CSMD1: variants seen among roughly 807,000 people sequenced by gnomAD.
The protein encoded by CSMD1 is CUB and Sushi multiple domains 1.
CSMD1 carries 213 observed loss-of-function variants against 417.5 expected under a neutral mutation model. The observed-to-expected ratio is 0.51, with a 90% CI of 0.46 to 0.57. The LOEUF (loss-of-function observed/expected upper bound fraction) is 0.57. Ranked by LOEUF, CSMD1 falls within the 20% of genes least tolerant of loss-of-function variation. The pLI is 0.00. For missense variants in CSMD1, 6,923 were observed against 4,529.7 expected (o/e 1.53, Z -15.17); for synonymous variants, 2,862 against 1,736.8 (o/e 1.65, Z -16.11).
At chr8:4,778,898 T>C (rs1291611232) in intron 1 of CSMD1, among the ~76,000 whole-genome samples, 1 of 152,236 alleles carries the variant, frequency 6.6e-6, no homozygotes, top group Non-Finnish European at 1.5e-5. Context: ...GAATAAATGA[T>C]TAACATTTAC....
chr8:4,403,469 G>T (rs550860996), intron 3 of CSMD1, among the ~76,000 whole-genome samples: 1 of 152,050 alleles, frequency 6.6e-6, no homozygotes. Context: ...GGTCACCAAT[G>T]ACCTACTTAT....
intron 4 of CSMD1, among the ~76,000 whole-genome samples, chr8:4,025,048 C>T (rs7813537): frequency 6.6e-6 from 1 of 152,018 alleles, no homozygotes; most frequent in Non-Finnish European, 1.5e-5. Flanking sequence ...GCCGGGACAA[C>T]ATCAGACTAA....
intron 3 of CSMD1, among the ~76,000 whole-genome samples, chr8:4,189,959 T>G (rs1227673806): frequency 1.3e-5 from 2 of 151,806 alleles, no homozygotes; most frequent in Non-Finnish European, 2.9e-5. Context: ...CATAGTGTAG[T>G]GCTTAAAAGC....
chr8:3,605,122 G>C (rs1801547319), intron 8 of CSMD1, among the ~76,000 whole-genome samples: 1 of 152,126 alleles, frequency 6.6e-6, no homozygotes. Flanking sequence ...AGCCTCCCGA[G>C]TAGCTGGGAC....
chr8:4,942,067 T>C (rs1377053421), intron 1 of CSMD1, among the ~76,000 whole-genome samples: 1 of 152,172 alleles, frequency 6.6e-6, no homozygotes, highest in East Asian at 1.9e-4. Context: ...ACTTTAAGAA[T>C]CTCTCTTCAC....
chr8:3,474,051 C>G (rs1417663636), intron 11 of CSMD1, among the ~76,000 whole-genome samples: 2 of 152,100 alleles, frequency 1.3e-5, no homozygotes, highest in Admixed American at 6.5e-5. Context: ...CCTCCCTCAA[C>G]ACATGGGGAT....
At chr8:4,574,506 C>T (rs149267972) in intron 2 of CSMD1, among the ~76,000 whole-genome samples, 214 of 152,274 alleles carry the variant, frequency 1.4e-3, no homozygotes, top group African/African-American at 5.0e-3. Flanking sequence ...GAGGGAAATG[C>T]AGAAATCACC....
chr8:4,084,585 T>G (rs1290820315), intron 3 of CSMD1, among the ~76,000 whole-genome samples: 1 of 152,166 alleles, frequency 6.6e-6, no homozygotes, highest in Non-Finnish European at 1.5e-5. Context: ...TTAATCAACC[T>G]TGTTGGGAGA....
intron 21 of CSMD1, among the ~76,000 whole-genome samples, chr8:3,348,805 C>G (rs957909168): frequency 6.6e-6 from 1 of 152,122 alleles, no homozygotes; most frequent in South Asian, 2.1e-4. Context: ...AACAAAATTC[C>G]TCTTATCAAG....
At chr8:4,981,990 G>T (rs992234534) in intron 1 of CSMD1, among the ~76,000 whole-genome samples, 5 of 152,042 alleles carry the variant, frequency 3.3e-5, no homozygotes, top group Admixed American at 2.6e-4. Context: ...GTAAACTCTG[G>T]CCAAAAGCCA....
At position 4,539,919 on chromosome 8, in the gene CSMD1, G is replaced by C. The variant is rs73182954; in HGVS notation, c.302+97423C>G. Among the ~76,000 whole-genome samples, 365 of 152,184 alleles carry C rather than the reference G, an allele frequency of 2.4e-3. 2 individuals are homozygous for C. Among genetic ancestry groups the C allele is most frequent in the African/African-American group, 8.2e-3 (341 of 41,522 alleles). ...TGGGTGTGCGGAAATCTCAGGGCTG[G>C]ATTTCTCTTCCCATCTACCCCAGCC... On this transcript the variant is annotated intron_variant, in intron 2 of 69. Transcript: ENST00000635120.
intron 12 of CSMD1, among the ~76,000 whole-genome samples, chr8:3,443,107 G>A (rs1170986853): frequency 1.3e-5 from 2 of 152,142 alleles, no homozygotes; most frequent in Admixed American, 1.3e-4. Context: ...TACTTATGAT[G>A]CCTTTTCTAG....
At chr8:3,150,122 T>C (rs1027903445) in intron 40 of CSMD1, among the ~76,000 whole-genome samples, 1 of 152,148 alleles carries the variant, frequency 6.6e-6, no homozygotes, top group Admixed American at 6.5e-5. Context: ...AGGTCTCCGT[T>C]TCATTTAGCC....
Position 3,205,580 on chromosome 8 carries a change from A to T in CSMD1, c.4908T>A (p.Val1636=), listed in dbSNP as rs772136449. 2.5e-6 allele frequency: 4 copies of T among 1,597,156 alleles called. No individual in the cohort carries two copies. Among genetic ancestry groups the T allele is most frequent in the Non-Finnish European group, 3.4e-6 (4 of 1,170,068 alleles). Residue 1636 remains valine (V), a synonymous_variant, in exon 31 of 70, where the codon GTT becomes GTA. Transcript: ENST00000635120. The part of the protein sequence containing the change: ...GGQYTGSEGV[V]LSPNYPHNYT... Reference sequence around the variant, plus strand: ...AATTATGGGGGTAGTTTGGTGATAAAACTACCCCTTCTGATCCCGTGTACT... The same window carrying T: ...AATTATGGGGGTAGTTTGGTGATAATACTACCCCTTCTGATCCCGTGTACT...
chr8:4,820,499 G>A (rs1043348303), intron 1 of CSMD1, among the ~76,000 whole-genome samples: 11 of 152,118 alleles, frequency 7.2e-5, no homozygotes, highest in Non-Finnish European at 1.3e-4. Context: ...GAGCCATAAG[G>A]AAATGGCCAA....
intron 21 of CSMD1, among the ~76,000 whole-genome samples, chr8:3,353,963 T>C (rs924732): frequency 0.78 from 118,672 of 152,102 alleles, 46,372 homozygotes; most frequent in South Asian, 0.87. Flanking sequence ...TGTCTCAGTC[T>C]GCTTGGCCTG....
At chr8:4,495,367 G>A (rs545327282) in intron 2 of CSMD1, among the ~76,000 whole-genome samples, 198 of 152,164 alleles carry the variant, frequency 1.3e-3, no homozygotes, top group Non-Finnish European at 1.8e-3. Flanking sequence ...CGAAGTCAAG[G>A]GTTCGAGACT....
chr8:4,139,484 G>T (rs1803645897), intron 3 of CSMD1, among the ~76,000 whole-genome samples: 1 of 151,384 alleles, frequency 6.6e-6, no homozygotes, highest in East Asian at 1.9e-4. Context: ...TGAGGAAGGT[G>T]GCGTGGATGA....
chr8:2,973,286 T>A lies in CSMD1; in HGVS notation c.8754A>T (p.Gly2918=). The change falls in exon 57 of 70, where the codon GGA becomes GGT. Residue 2918 remains glycine (G), a synonymous_variant. Transcript: ENST00000635120. ...CTGGGGTCCCCGGATCACCACAGAA[T>A]CCAGGATTATTTCCTATTGAAAACA... ...ALPHCTGNNP[G]FCGDPGTPAH... 1 of 1,613,814 alleles carries A rather than the reference T, an allele frequency of 6.2e-7. No individual in the cohort carries two copies. The highest frequency in any genetic ancestry group is 8.5e-7 in the Non-Finnish European group (1 of 1,179,776).
Sources: gnomAD v4.1 joint callset for allele counts (sites outside exome capture counted in the v4.1 genomes callset) on GRCh38, gnomAD v4.1.1 for gene constraint, MANE v1.5 for transcripts, NCBI Gene and HGNC (gene_info 2026-07-23, HGNC 2026-07-21) for gene names.